Variants in SAMD12 observed in about 807,000 individuals in gnomAD.
SAMD12 encodes sterile alpha motif domain containing 12, also known as sterile alpha motif domain-containing protein 12.
A neutral mutation model predicts 15.0 loss-of-function variants in SAMD12; 9 were observed. The ratio of observed to expected loss-of-function variants is 0.60; its 90% confidence interval spans 0.36 to 1.05. SAMD12 has a LOEUF of 1.05. Ranked by LOEUF, SAMD12 falls within the 50% of genes least tolerant of loss-of-function variation. SAMD12 has a pLI of 0.01. For missense variants in SAMD12, 230 were observed against 234.2 expected, an observed-to-expected ratio of 0.98 and a Z score of 0.12; for synonymous variants, 86 against 90.1, an observed-to-expected ratio of 0.96 and a Z score of 0.25.
intron 2 of SAMD12, among the ~76,000 whole-genome samples, chr8:118,473,941 G>A (rs1294721288): frequency 6.6e-6 from 1 of 152,082 alleles, no homozygotes; most frequent in Admixed American, 6.6e-5. Flanking sequence ...AGTATTACTA[G>A]CCACTTGATA....
intron 2 of SAMD12, among the ~76,000 whole-genome samples, chr8:118,448,477 A>G (rs1822982552): frequency 6.6e-6 from 1 of 152,228 alleles, no homozygotes; most frequent in Admixed American, 6.5e-5. Flanking sequence ...CAGGAACTCA[A>G]TAATTATCTG....
intron 2 of SAMD12, among the ~76,000 whole-genome samples, chr8:118,554,701 A>C (rs1372866250): frequency 1.3e-5 from 2 of 152,158 alleles, no homozygotes; most frequent in African/African-American, 2.4e-5. Flanking sequence ...ACTAAAAAAA[A>C]AAAATCTACA....
chr8:118,472,496 C>G (rs1823828953), intron 2 of SAMD12, among the ~76,000 whole-genome samples: 1 of 151,696 alleles, frequency 6.6e-6, no homozygotes, highest in Admixed American at 6.6e-5. Context: ...CTGGGCAACA[C>G]AGCAAGACCT....
chr8:118,248,254 T>C (rs1812740663), intron 4 of SAMD12, among the ~76,000 whole-genome samples: 1 of 152,184 alleles, frequency 6.6e-6, no homozygotes, highest in Non-Finnish European at 1.5e-5. Context: ...AACACTACTA[T>C]TCCACTTCTG....
chr8:118,334,816 C>T (rs1272249094), intron 4 of SAMD12, among the ~76,000 whole-genome samples: 4 of 152,120 alleles, frequency 2.6e-5, no homozygotes, highest in African/African-American at 4.8e-5. Flanking sequence ...AGGTTGGTCT[C>T]GAACTGGTCT....
intron 2 of SAMD12, among the ~76,000 whole-genome samples, chr8:118,567,870 T>C (rs2131226367): frequency 6.6e-6 from 1 of 152,364 alleles, no homozygotes. Flanking sequence ...GTTTGTTTTA[T>C]ATCTTAATAG....
intron 2 of SAMD12, among the ~76,000 whole-genome samples, chr8:118,532,309 C>T (rs548660118): frequency 6.6e-6 from 1 of 152,156 alleles, no homozygotes; most frequent in Admixed American, 6.5e-5. Context: ...GGTGGATAAG[C>T]TTTTCGATAT....
chr8:118,463,830 C>A (rs1388192136), intron 2 of SAMD12, among the ~76,000 whole-genome samples: 1 of 151,892 alleles, frequency 6.6e-6, no homozygotes, highest in Non-Finnish European at 1.5e-5. Context: ...AGGGGGCAGG[C>A]AGGTCATCAT....
At chr8:118,158,842 G>T in the SAMD12 span, among the ~76,000 whole-genome samples, 8 of 152,182 alleles carry the variant, frequency 5.3e-5, no homozygotes, top group Admixed American at 4.6e-4. Context: ...TCTCCTCCCA[G>T]TTGAGAGCTG....
intron 4 of SAMD12, among the ~76,000 whole-genome samples, chr8:118,229,725 C>A (rs898178158): frequency 6.6e-6 from 1 of 152,168 alleles, no homozygotes; most frequent in Non-Finnish European, 1.5e-5. Context: ...GAAACAAACT[C>A]CCATACTCTC....
chr8:118,163,191 T>C, the SAMD12 span, among the ~76,000 whole-genome samples: 1 of 152,054 alleles, frequency 6.6e-6, no homozygotes, highest in African/African-American at 2.4e-5. Context: ...CACAGCTCAC[T>C]GTAGCCTTGA....
chr8:118,335,254 T>G (rs1277542766), intron 4 of SAMD12, among the ~76,000 whole-genome samples: 3 of 152,198 alleles, frequency 2.0e-5, no homozygotes, highest in Non-Finnish European at 4.4e-5. Flanking sequence ...CATCCAGGAC[T>G]GCTATTGTTG....
At chr8:118,225,135 G>C (rs1036228425) in intron 4 of SAMD12, among the ~76,000 whole-genome samples, 3 of 152,162 alleles carry the variant, frequency 2.0e-5, no homozygotes, top group African/African-American at 7.2e-5. Context: ...CAGGGGATAA[G>C]ACATTTTTTA....
intron 3 of SAMD12, among the ~76,000 whole-genome samples, chr8:118,425,173 T>C (rs1211869474): frequency 2.0e-5 from 3 of 152,070 alleles, no homozygotes; most frequent in Non-Finnish European, 4.4e-5. Context: ...TTCCTGACCT[T>C]GTGATCTGCC....
intron 2 of SAMD12, among the ~76,000 whole-genome samples, chr8:118,576,081 T>G (rs1000457871): frequency 4.6e-5 from 7 of 152,088 alleles, no homozygotes; most frequent in African/African-American, 1.7e-4. Flanking sequence ...ATTTTTCATC[T>G]TATTCCTATA....
downstream of SAMD12, among the ~76,000 whole-genome samples, chr8:118,186,564 T>TG (rs1563683793): frequency 6.6e-6 from 1 of 151,940 alleles, no homozygotes; most frequent in Non-Finnish European, 1.5e-5. Context: ...CATTTTTTTT[T>TG]TTTTTGAGTC....
chr8:118,250,123 G>A (rs977910425), intron 4 of SAMD12, among the ~76,000 whole-genome samples: 1 of 152,118 alleles, frequency 6.6e-6, no homozygotes, highest in Non-Finnish European at 1.5e-5. Context: ...ATCATGTGAG[G>A]AGAGTGGTCT....
the SAMD12 span, among the ~76,000 whole-genome samples, chr8:118,150,012 C>G: frequency 6.6e-6 from 1 of 152,164 alleles, no homozygotes; most frequent in Non-Finnish European, 1.5e-5. Context: ...ATTTTGCCCC[C>G]CTCCCTTCCC....
At chr8:118,175,035 A>C in the SAMD12 span, among the ~76,000 whole-genome samples, 4 of 76,290 alleles carry the variant, frequency 5.2e-5, no homozygotes, top group African/African-American at 1.7e-4. Context: ...AAAAAAAAAC[A>C]AAAAAAAAAA....
Sources: allele counts gnomAD v4.1 joint callset (sites outside exome capture counted in the v4.1 genomes callset), GRCh38; gene constraint gnomAD v4.1.1; transcripts MANE v1.5; gene names NCBI Gene and HGNC (gene_info 2026-07-23, HGNC 2026-07-21).